SLC22A23: variants seen among roughly 807,000 people sequenced by gnomAD.
SLC22A23 encodes ion transporter protein.
SLC22A23 carries 26 observed loss-of-function variants against 61.0 expected under a neutral mutation model. The ratio of observed to expected loss-of-function variants is 0.43; its 90% CI spans 0.31 to 0.59. The LOEUF is 0.59. Among genes scored for constraint, SLC22A23 ranks in the 20% least tolerant of loss-of-function variants. The probability of loss-of-function intolerance (pLI) is 0.11; values close to 1 mark genes in which losing one functional copy is unlikely to be tolerated. For synonymous variants in SLC22A23, 430 were observed against 413.9 expected (o/e 1.04, Z -0.47); for missense variants, 796 against 934.7 (o/e 0.85, Z 1.94).
chr6:3,335,397 C>T (rs767062854), intron 3 of SLC22A23, among the ~76,000 whole-genome samples: 7 of 151,944 alleles, frequency 4.6e-5, no homozygotes, highest in Non-Finnish European at 8.8e-5. Flanking sequence ...TTCCTGCCCA[C>T]GTGGACAGGG....
intron 1 of SLC22A23, among the ~76,000 whole-genome samples, chr6:3,418,806 G>A (rs986214780): frequency 7.2e-5 from 11 of 152,342 alleles, no homozygotes; most frequent in Admixed American, 2.6e-4. Context: ...CTGGGGATCC[G>A]CCTGCAACAC....
rs200104453 is a variant in SLC22A23 at position 3,289,804 on chromosome 6, G to T, written c.1273C>A (p.Arg425=). 1 of 1,613,984 alleles carries T rather than the reference G, an allele frequency of 6.2e-7. No individual in the cohort carries two copies. ...KVCIVKVVGT[R]NLWKNIVVLC... Reference sequence around the variant, plus strand: ...ACCACAATGTTCTTCCACAGGTTCCGTGTCCCCACCACCTTCACGATGCAG... The same window carrying T: ...ACCACAATGTTCTTCCACAGGTTCCTTGTCCCCACCACCTTCACGATGCAG... The change falls in exon 6 of 10, where the codon CGG becomes AGG. Residue 425 remains arginine (R), a synonymous_variant. Coordinates refer to ENST00000406686, the MANE Select transcript of SLC22A23 (RefSeq NM_015482.2).
intron 3 of SLC22A23, among the ~76,000 whole-genome samples, chr6:3,384,026 C>T (rs1351775422): frequency 6.6e-6 from 1 of 152,154 alleles, no homozygotes; most frequent in South Asian, 2.1e-4. Flanking sequence ...CCCGGATGTC[C>T]GCAGTAATGA....
chr6:3,422,034 A>C (rs1253437849), intron 1 of SLC22A23, among the ~76,000 whole-genome samples: 1 of 152,222 alleles, frequency 6.6e-6, no homozygotes, highest in Non-Finnish European at 1.5e-5. Context: ...TCAGCAAACC[A>C]CGAGGGTTTT....
chr6:3,368,564 T>A (rs1765990996), intron 3 of SLC22A23, among the ~76,000 whole-genome samples: 1 of 152,128 alleles, frequency 6.6e-6, no homozygotes, highest in Admixed American at 6.5e-5. Context: ...CATTTCAACA[T>A]AAAGTGGGTC....
intron 3 of SLC22A23, among the ~76,000 whole-genome samples, chr6:3,388,955 C>G (rs115831470): frequency 0.031 from 4,694 of 152,090 alleles, 246 homozygotes; most frequent in African/African-American, 0.11. Context: ...ACCAGAGTTT[C>G]AGTTCTGCAA....
chr6:3,441,779 A>G (rs1345788481), intron 1 of SLC22A23, among the ~76,000 whole-genome samples: 1 of 152,068 alleles, frequency 6.6e-6, no homozygotes, highest in Admixed American at 6.6e-5. Context: ...CAATTTCCCA[A>G]CCGTCTCCGG....
intron 1 of SLC22A23, among the ~76,000 whole-genome samples, chr6:3,425,285 C>T (rs376489310): frequency 6.5e-4 from 75 of 115,766 alleles, no homozygotes; most frequent in Middle Eastern, 0.011. Context: ...ATGAATAATT[C>T]TTTTTTTTTT....
chr6:3,273,872 C>T lies in SLC22A23; in HGVS notation c.1704-460G>A, dbSNP rs536941961. On this transcript the variant is annotated intron_variant, in intron 9 of 9. Coordinates refer to ENST00000406686, the MANE Select transcript of SLC22A23 (RefSeq NM_015482.2). ...AGAGGGTACTAAGGACATACCAACA[C>T]GAACAGAGACTTTCTCTTTGTCATA... 8.5e-5 allele frequency among the ~76,000 whole-genome samples: 13 copies of T among 152,264 alleles called. No individual in the cohort carries two copies. In the South Asian group the frequency reaches 1.9e-3, roughly 22 times the overall value.
At chr6:3,280,983 G>A (rs756278379) in intron 9 of SLC22A23, among the ~76,000 whole-genome samples, 18 of 152,276 alleles carry the variant, frequency 1.2e-4, no homozygotes, top group Non-Finnish European at 2.1e-4. Context: ...CAGGGCTGCC[G>A]GAGTGGGCAG....
intron 1 of SLC22A23, among the ~76,000 whole-genome samples, chr6:3,430,306 G>A (rs1207595311): frequency 6.6e-6 from 1 of 152,188 alleles, no homozygotes; most frequent in Non-Finnish European, 1.5e-5. Flanking sequence ...ATGGGTGAAA[G>A]GATCAAAGGA....
chr6:3,439,407 C>A, intron 1 of SLC22A23: 1 of 413,942 alleles, frequency 2.4e-6, no homozygotes, highest in Non-Finnish European at 4.7e-6. Flanking sequence ...CACTGCGGCC[C>A]TGGACGAAGA....
At chr6:3,455,717 T>A (rs1374688505) in intron 1 of SLC22A23, among the ~76,000 whole-genome samples, 189 bp downstream of exon 1, 1 of 152,230 alleles carries the variant, frequency 6.6e-6, no homozygotes, top group Non-Finnish European at 1.5e-5. Flanking sequence ...TAGTAAAGGC[T>A]ATGGTGCTCC....
rs1389380031 is a variant in SLC22A23 at position 3,324,480 on chromosome 6, A to G, written c.914-478T>C. Among the ~76,000 whole-genome samples, 1 of 151,958 alleles carries G rather than the reference A, an allele frequency of 6.6e-6. No individual in the cohort carries two copies. The highest frequency in any genetic ancestry group is 2.4e-5 in the African/African-American group (1 of 41,360). On this transcript the variant is annotated intron_variant, in intron 3 of 9. Transcript: ENST00000406686. The surrounding 1 kb of genome is among the most constrained non-coding windows in gnomAD (Gnocchi z 4.3). ...CATATACTCACTCCTACCCATATGCACCACCCACCCCTTCTTCTGGTTCTC... is the reference window on the plus strand; with the variant it reads ...CATATACTCACTCCTACCCATATGCGCCACCCACCCCTTCTTCTGGTTCTC...
chr6:3,427,686 A>G lies in SLC22A23; in HGVS notation c.655-11831T>C, dbSNP rs1168364885. ...GAACAGCAACAGCTTCGTTTCCAAC[A>G]CTTCCTGCAATCATTCCTTAAATAT... On this transcript the variant is annotated intron_variant, in intron 1 of 9. Transcript: ENST00000406686. This position sits in a 1 kb window ranked among gnomAD's most constrained non-coding sequence, Gnocchi z 4.3. Among the ~76,000 whole-genome samples, 1 of 152,110 alleles carries G rather than the reference A, an allele frequency of 6.6e-6. No individual in the cohort carries two copies. Among genetic ancestry groups the G allele is most frequent in the Non-Finnish European group, 1.5e-5 (1 of 68,020 alleles).
chr6:3,324,112 T>C lies in SLC22A23; in HGVS notation c.914-110A>G. 2 of 1,360,518 alleles carry C rather than the reference T, an allele frequency of 1.5e-6. No individual in the cohort carries two copies. Among genetic ancestry groups the C allele is most frequent in the South Asian group, 2.7e-5 (2 of 73,156 alleles). 84.3% of individuals were successfully genotyped at this position (1,360,518 alleles called of 1,614,324 possible). On this transcript the variant is annotated intron_variant, in intron 3 of 9. Transcript: ENST00000406686. This position sits in a 1 kb window ranked among gnomAD's most constrained non-coding sequence, Gnocchi z 4.3. ...CTTAACCCACCAACGACTGAAATTG[T>C]TTTCATCTGCTGCCCACCACAAGTG...
At chr6:3,319,976 C>T (rs1205984097) in intron 4 of SLC22A23, among the ~76,000 whole-genome samples, 1 of 152,244 alleles carries the variant, frequency 6.6e-6, no homozygotes, top group East Asian at 1.9e-4. Flanking sequence ...GGCTGAGTCC[C>T]TGTGGCAGGC....
intron 3 of SLC22A23, among the ~76,000 whole-genome samples, chr6:3,361,373 C>G (rs575800758): frequency 2.6e-5 from 4 of 151,708 alleles, no homozygotes; most frequent in Non-Finnish European, 4.4e-5. Flanking sequence ...CTGTCCTCCT[C>G]TCTTGAGAGC....
At chr6:3,420,416 G>T (rs964713080) in intron 1 of SLC22A23, among the ~76,000 whole-genome samples, 2 of 152,042 alleles carry the variant, frequency 1.3e-5, no homozygotes, top group Non-Finnish European at 2.9e-5. Flanking sequence ...ATAAATGGGA[G>T]ATAAAGAAAA....
Sources: gnomAD v4.1 joint callset for allele counts (sites outside exome capture counted in the v4.1 genomes callset) on GRCh38, gnomAD v4.1.1 for gene constraint, Gnocchi (gnomAD v3.1) non-coding constraint, MANE v1.5 for transcripts, NCBI Gene and HGNC (gene_info 2026-07-23, HGNC 2026-07-21) for gene names.